The following CNOT6L variants were observed in gnomAD, a reference collection of about 807,000 sequenced individuals.
CNOT6L encodes CCR4-NOT transcription complex subunit 6 like, also known as CCR4-NOT transcription complex subunit 6-like.
CNOT6L carries 7 observed loss-of-function variants against 64.0 expected under a neutral mutation model. That is an observed-to-expected ratio of 0.11 (90% confidence interval 0.06 to 0.21). The LOEUF (loss-of-function observed/expected upper bound fraction) is 0.21. Ranked by LOEUF, CNOT6L falls within the 10% of genes least tolerant of loss-of-function variation. CNOT6L has a pLI of 1.00. For synonymous variants in CNOT6L, 193 were observed against 243.4 expected, an observed-to-expected ratio of 0.79 and a Z score of 1.93; for missense variants, 245 against 669.0, an observed-to-expected ratio of 0.37 and a Z score of 6.99.
At chr4:77,799,158 T>C (rs918899953) in intron 1 of CNOT6L, among the ~76,000 whole-genome samples, 5 of 152,288 alleles carry the variant, frequency 3.3e-5, no homozygotes, top group South Asian at 4.1e-4. Context: ...CCAGGCACAG[T>C]GGCTCATGAC....
chr4:77,724,639 C>CAAAA (rs58504681), intron 11 of CNOT6L, among the ~76,000 whole-genome samples: 2 of 64,050 alleles, frequency 3.1e-5, no homozygotes, highest in Non-Finnish European at 3.2e-5. Flanking sequence ...GACCCTATCT[C>CAAAA]AAAAAAAAAA....
intron 4 of CNOT6L, among the ~76,000 whole-genome samples, chr4:77,765,855 C>T (rs1249621316): frequency 2.0e-5 from 3 of 152,136 alleles, no homozygotes; most frequent in African/African-American, 4.8e-5. Flanking sequence ...AGTAGCTTTT[C>T]GCTATTTTGC....
At chr4:77,722,882 T>A (rs1177624676) in intron 11 of CNOT6L, among the ~76,000 whole-genome samples, 1 of 152,186 alleles carries the variant, frequency 6.6e-6, no homozygotes, top group Non-Finnish European at 1.5e-5. Context: ...AAATATTTAA[T>A]ATTAATAATG....
At chr4:77,814,723 T>C (rs938487847) in intron 1 of CNOT6L, among the ~76,000 whole-genome samples, 2 of 152,158 alleles carry the variant, frequency 1.3e-5, no homozygotes, top group African/African-American at 4.8e-5. Context: ...ATAAAGAGAT[T>C]ATATATAACT....
chr4:77,787,964 C>T (rs1729639854), intron 1 of CNOT6L, among the ~76,000 whole-genome samples: 1 of 152,154 alleles, frequency 6.6e-6, no homozygotes, highest in South Asian at 2.1e-4. Flanking sequence ...TTCAATAAAT[C>T]CTTTGTCTTT....
Position 77,727,862 on chromosome 4 carries a change from T to C in CNOT6L, c.1252+992A>G, listed in dbSNP as rs1408756654. Reference sequence around the variant, plus strand: ...ACACTTATAAACAATGATTTCAGCATTATTTGCTAAGAAGAAAAAGATGTT... The same window carrying C: ...ACACTTATAAACAATGATTTCAGCACTATTTGCTAAGAAGAAAAAGATGTT... On this transcript the variant is annotated intron_variant, in intron 10 of 11. Transcript: ENST00000504123. Among the ~76,000 whole-genome samples, 5 of 152,248 alleles carry C rather than the reference T, an allele frequency of 3.3e-5. No individual in the cohort carries two copies. The East Asian group carries it at 7.7e-4, about 23-fold the overall frequency.
At chr4:77,785,792 G>T (rs1729369099) in intron 1 of CNOT6L, among the ~76,000 whole-genome samples, 1 of 152,080 alleles carries the variant, frequency 6.6e-6, no homozygotes, top group African/African-American at 2.4e-5. Context: ...AAAACAAGGG[G>T]GATTAAAAGA....
chr4:77,778,379 A>G (rs539584715), intron 1 of CNOT6L, among the ~76,000 whole-genome samples: 1 of 150,250 alleles, frequency 6.7e-6, no homozygotes, highest in South Asian at 2.1e-4. Context: ...AATTTTCAAA[A>G]ACATAGGTTT....
intron 6 of CNOT6L, among the ~76,000 whole-genome samples, chr4:77,748,063 A>C (rs1724410095): frequency 6.6e-6 from 1 of 152,166 alleles, no homozygotes; most frequent in Non-Finnish European, 1.5e-5. Context: ...AATACTCTCT[A>C]TGAAGATGCT....
At chr4:77,777,264 C>T (rs1728255805) in intron 1 of CNOT6L, among the ~76,000 whole-genome samples, 1 of 152,200 alleles carries the variant, frequency 6.6e-6, no homozygotes, top group South Asian at 2.1e-4. Flanking sequence ...GGATGAGTTA[C>T]ATGGCCACCC....
chr4:77,806,901 C>T (rs1211010022), intron 1 of CNOT6L, among the ~76,000 whole-genome samples: 2 of 152,136 alleles, frequency 1.3e-5, no homozygotes, highest in Non-Finnish European at 2.9e-5. Context: ...GTCTGTAATG[C>T]CATTTAATTA....
intron 1 of CNOT6L, among the ~76,000 whole-genome samples, chr4:77,792,206 T>G (rs1016649685): frequency 6.6e-6 from 1 of 152,046 alleles, no homozygotes; most frequent in African/African-American, 2.4e-5. Context: ...GAAACCAAAG[T>G]GCAATGACAT....
In CNOT6L at chr4:77,778,660, C is replaced by T. The variant is rs373445155; in HGVS notation, c.6-2268G>A. On this transcript the variant is annotated intron_variant, in intron 1 of 11. Coordinates refer to ENST00000504123, the MANE Select transcript of CNOT6L (RefSeq NM_144571.3). ...GACCTTGTGATCCGCCCGCCTTGGC[C>T]TCCCAAAGTGCTGGGATTACAGGCA... Among the ~76,000 whole-genome samples the T allele has an allele frequency of 8.5e-5, 13 of 152,084 alleles. No homozygotes were observed. The East Asian group carries it at 1.4e-3, about 16-fold the overall frequency.
At chr4:77,751,495 G>T (rs1481545969) in intron 5 of CNOT6L, among the ~76,000 whole-genome samples, 1 of 152,114 alleles carries the variant, frequency 6.6e-6, no homozygotes, top group African/African-American at 2.4e-5. Context: ...GAGAGAACAG[G>T]TGAACATTTC....
At chr4:77,800,548 A>C (rs754127437) in intron 1 of CNOT6L, among the ~76,000 whole-genome samples, 1 of 152,206 alleles carries the variant, frequency 6.6e-6, no homozygotes, top group Non-Finnish European at 1.5e-5. Context: ...TCTTGTATAC[A>C]AAGTTTTGAA....
chr4:77,813,147 CAA>C (rs1733144563), intron 1 of CNOT6L, among the ~76,000 whole-genome samples: 1 of 152,016 alleles, frequency 6.6e-6, no homozygotes, highest in Non-Finnish European at 1.5e-5. Flanking sequence ...TACCCACAGG[CAA>C]AGAGATATTA....
chr4:77,775,013 A>G (rs1038633062), intron 2 of CNOT6L, among the ~76,000 whole-genome samples: 1 of 152,146 alleles, frequency 6.6e-6, no homozygotes, highest in African/African-American at 2.4e-5. Context: ...AACCAGAGGC[A>G]ATTTTGTTTC....
At chr4:77,776,769 T>A (rs1377133368) in intron 1 of CNOT6L, among the ~76,000 whole-genome samples, 1 of 152,202 alleles carries the variant, frequency 6.6e-6, no homozygotes, top group East Asian at 1.9e-4. Context: ...TCAGTGATAT[T>A]CAGATATCCC....
chr4:77,721,707 A>AT (rs1439588464), intron 11 of CNOT6L, among the ~76,000 whole-genome samples: 1 of 152,196 alleles, frequency 6.6e-6, no homozygotes, highest in African/African-American at 2.4e-5. Flanking sequence ...GCAGTGTCTC[A>AT]TGCTTGTAAT....
Sources: gnomAD v4.1 joint callset for allele counts (sites outside exome capture counted in the v4.1 genomes callset) on GRCh38, gnomAD v4.1.1 for gene constraint, MANE v1.5 for transcripts, NCBI Gene and HGNC (gene_info 2026-07-23, HGNC 2026-07-21) for gene names.